The following FLRT3 variants were observed in gnomAD, a reference collection of about 807,000 sequenced individuals.
FLRT3 encodes leucine-rich repeat transmembrane protein FLRT3.
In FLRT3, 17 loss-of-function variants were observed where a neutral mutation model predicts 42.6. The observed-to-expected ratio is 0.40, with a 90% CI of 0.27 to 0.60. The LOEUF is 0.60. FLRT3 is among the 20% of genes least tolerant of loss of function. FLRT3 has a pLI of 0.44. For synonymous variants in FLRT3, 279 were observed against 286.4 expected (o/e 0.97, Z 0.26); for missense variants, 635 against 789.2 (o/e 0.80, Z 2.34).
At chr20:14,330,764 A>G (rs902587982) in intron 1 of FLRT3, among the ~76,000 whole-genome samples, 6 of 152,230 alleles carry the variant, frequency 3.9e-5, no homozygotes, top group African/African-American at 1.4e-4. Flanking sequence ...TTTTACTGTG[A>G]TGCCTTTAGG....
intron 1 of FLRT3, among the ~76,000 whole-genome samples, chr20:14,336,824 C>G (rs1400586700): frequency 1.3e-5 from 2 of 152,172 alleles, no homozygotes; most frequent in African/African-American, 4.8e-5. Context: ...GATTTGCAAG[C>G]CTGAAATGCT....
chr20:14,325,836 C>T lies in FLRT3; in HGVS notation c.1671G>A (p.Ser557=), dbSNP rs375047016. 9 of 1,613,768 alleles carry T rather than the reference C, an allele frequency of 5.6e-6. No individual in the cohort carries two copies. Among genetic ancestry groups the T allele is most frequent in the African/African-American group, 2.7e-5 (2 of 74,872 alleles). ...TATATGCACAGTTCCTTGAGAAGAG[C>T]GATCCATTCCTATGAACATACCAAC... ...LVCWYVHRNG[S]LFSRNCAYSK... The change falls in exon 3 of 3, where the codon TCG becomes TCA. Residue 557 remains serine, a synonymous_variant. Transcript: ENST00000341420.
rs76423053 is a variant in FLRT3 at position 14,333,945 on chromosome 20, A to G, written c.-247+3459T>C. Among the ~76,000 whole-genome samples the G allele has an allele frequency of 8.1e-3, 1,230 of 152,310 alleles. 10 individuals are homozygous for G. Among genetic ancestry groups the G allele is most frequent in the South Asian group, 0.032 (152 of 4,822 alleles). ...AAAGTTGCCTCGGTAACTTGTGCAC[A>G]TGTAAAGTGAAAGAATAAAGAACAA... On this transcript the variant is annotated intron_variant, in intron 1 of 2. Coordinates refer to ENST00000341420, the MANE Select transcript of FLRT3 (RefSeq NM_198391.3).
At position 14,327,935 on chromosome 20, in the gene FLRT3, A is replaced by C. The variant is rs117497973; in HGVS notation, c.-52-377T>G. On this transcript the variant is annotated intron_variant, in intron 2 of 2. Coordinates refer to ENST00000341420, the MANE Select transcript of FLRT3 (RefSeq NM_198391.3). Reference sequence around the variant, plus strand: ...TTCTTACTTAATATTCATAATAAGTAACACCTTGGAATATTATTTCTTATA... The same window carrying C: ...TTCTTACTTAATATTCATAATAAGTCACACCTTGGAATATTATTTCTTATA... 9.9e-4 allele frequency among the ~76,000 whole-genome samples: 151 copies of C among 152,256 alleles called. 3 individuals are homozygous for C. The East Asian group carries it at 0.027, about 27-fold the overall frequency.
In FLRT3 at chr20:14,327,013, T is replaced by C. The variant is rs913276455; in HGVS notation, c.494A>G (p.His165Arg). Residue 165 changes from histidine (H) to arginine (R), a missense_variant, in exon 3 of 3, where the codon CAC (histidine) becomes CGC (arginine). Physicochemically the swap from His to Arg is conservative, Grantham distance 29. Coordinates refer to ENST00000341420, the MANE Select transcript of FLRT3 (RefSeq NM_198391.3). ...CAAACCCCAGGGAATTGTGCTAAGG[T>C]GATTACGGGACAGGAAAAGCAGTCG... Reference protein sequence around the residue: ...YLRLLFLSRNHLSTIPWGLPR... With the variant: ...YLRLLFLSRNRLSTIPWGLPR... 1 of 1,613,700 alleles carries C rather than the reference T, an allele frequency of 6.2e-7. No individual in the cohort carries two copies. Among genetic ancestry groups the C allele is most frequent in the Non-Finnish European group, 8.5e-7 (1 of 1,179,754 alleles).
In FLRT3 at chr20:14,326,219, C is replaced by G. The variant is rs2082731899; in HGVS notation, c.1288G>C (p.Ala430Pro). Residue 430 changes from alanine to proline, a missense_variant, in exon 3 of 3, where the codon GCT (alanine) becomes CCT (proline). Transcript: ENST00000341420. This position sits in a 1 kb window ranked among gnomAD's most constrained non-coding sequence, Gnocchi z 5.5. Reference protein sequence around the residue: ...SDTIHISWKLALPMTALRLSW... With the variant: ...SDTIHISWKLPLPMTALRLSW... The stretch of plus-strand genomic sequence containing the variant: ...AGTCTCAAAGCAGTCATAGGTAGAG[C>G]AAGTTTCCAAGAGATATGAATGGTA... 6 of 1,613,904 alleles carry G rather than the reference C, an allele frequency of 3.7e-6. No individual in the cohort carries two copies. Among genetic ancestry groups the G allele is most frequent in the East Asian group, 2.2e-5 (1 of 44,868 alleles).
At position 14,325,200 on chromosome 20, in the gene FLRT3, T is replaced by G. The variant is rs2082714494; in HGVS notation, c.*357A>C. On this transcript the variant is annotated 3_prime_UTR_variant, in exon 3 of 3. Coordinates refer to ENST00000341420, the MANE Select transcript of FLRT3 (RefSeq NM_198391.3). ...GGATCTCATATGAATGCAGTCCTGA[T>G]TGTTCGACACAGCAAGAAAATTCAC... 5.9e-6 allele frequency: 1 copy of G among 168,818 alleles called. No homozygotes were observed. Among genetic ancestry groups the G allele is most frequent in the Admixed American group, 6.1e-5 (1 of 16,372 alleles). 10.5% of individuals were successfully genotyped at this position (168,818 alleles called of 1,614,324 possible).
chr20:14,326,609 G>C lies in FLRT3; in HGVS notation c.898C>G (p.Leu300Val). ...IFDDLDNITQ[L>V]ILRNNPWYCG... ...TACCAGGGATTGTTGCGAAGAATCA[G>C]TTGTGTTATATTGTCCAAATCATCA... The change falls in exon 3 of 3, where the codon CTG becomes GTG. Residue 300 changes from leucine to valine, a missense_variant. Leu to Val is a conservative substitution (Grantham distance 32). Transcript: ENST00000341420. The surrounding 1 kb of genome is among the most constrained non-coding windows in gnomAD (Gnocchi z 5.5). The C allele has an allele frequency of 1.2e-6, 2 of 1,613,856 alleles. No homozygotes were observed. The highest frequency in any genetic ancestry group is 2.2e-5 in the East Asian group (1 of 44,860).
chr20:14,329,704 A>G (rs2082798987), intron 1 of FLRT3, among the ~76,000 whole-genome samples: 1 of 152,092 alleles, frequency 6.6e-6, no homozygotes, highest in Admixed American at 6.6e-5. Context: ...ATTAACAAAT[A>G]TTTTTGACAG....
Position 14,326,109 on chromosome 20 carries a change from G to C in FLRT3, c.1398C>G (p.Val466=). 1 of 1,613,856 alleles carries C rather than the reference G, an allele frequency of 6.2e-7. No homozygotes were observed. The highest frequency in any genetic ancestry group is 8.5e-7 in the Non-Finnish European group (1 of 1,179,848). The change falls in exon 3 of 3, where the codon GTC becomes GTG. Residue 466 remains valine (V), a synonymous_variant. Transcript: ENST00000341420. The surrounding 1 kb of genome is among the most constrained non-coding windows in gnomAD (Gnocchi z 5.5). ...AGGGTGAATCAGGCTCCAGGGCTGT[G>C]ACCAAGTACTCACTGCGTTCCCCTG... The part of the protein sequence containing the change: ...IVTGERSEYL[V]TALEPDSPYK...
intron 1 of FLRT3, among the ~76,000 whole-genome samples, chr20:14,329,968 T>C (rs529530227): frequency 6.6e-6 from 1 of 152,086 alleles, no homozygotes; most frequent in Admixed American, 6.6e-5. Flanking sequence ...GCCCAAAAGG[T>C]GACATAGAAG....
rs1263247524 is a variant in FLRT3 at position 14,337,389 on chromosome 20, A to G, written c.-247+15T>C. The G allele has an allele frequency of 2.7e-6, 1 of 372,542 alleles. No homozygotes were observed. The highest frequency in any genetic ancestry group is 2.1e-5 in the African/African-American group (1 of 47,950). The allele number at this position is 372,542 out of a possible 1,614,324, so 23.1% of individuals were successfully genotyped here. On this transcript the variant is annotated intron_variant, in intron 1 of 2. Transcript: ENST00000341420. ...TTCTGGGACAATCATAAGAAAAAAC[A>G]TGGAAAACACTTACCAGGAAGACGA...
chr20:14,330,861 C>T (rs2301024), intron 1 of FLRT3, among the ~76,000 whole-genome samples: 134,864 of 152,094 alleles, frequency 0.89, 59,998 homozygotes, highest in Non-Finnish European at 0.92. Context: ...AACCAAGCTG[C>T]TGAAATTATA....
rs746662796 is a variant in FLRT3 at position 14,326,410 on chromosome 20, A to T, written c.1097T>A (p.Ile366Lys). 3.1e-6 allele frequency: 5 copies of T among 1,613,898 alleles called. No homozygotes were observed. The East Asian group carries it at 1.1e-4, about 36-fold the overall frequency. ...CACTGTGTTGGGTATTGCAGTGGTTATCTGAATGGTGCTTACAATCCCACT... is the reference window on the plus strand; with the variant it reads ...CACTGTGTTGGGTATTGCAGTGGTTTTCTGAATGGTGCTTACAATCCCACT... The part of the protein sequence containing the change: ...KDSGIVSTIQ[I>K]TTAIPNTVYP... Residue 366 changes from isoleucine (I) to lysine (K), a missense_variant, in exon 3 of 3, where the codon ATA (isoleucine) becomes AAA (lysine). Ile to Lys is a moderately radical substitution (Grantham distance 102, BLOSUM62 -3). Transcript: ENST00000341420. The surrounding 1 kb of genome is among the most constrained non-coding windows in gnomAD (Gnocchi z 5.5).
At chr20:14,337,040 G>A (rs759340775) in intron 1 of FLRT3, among the ~76,000 whole-genome samples, 7 of 152,154 alleles carry the variant, frequency 4.6e-5, no homozygotes, top group Non-Finnish European at 7.3e-5. Context: ...CATCCCACAC[G>A]TACAGTACAC....
intron 1 of FLRT3, among the ~76,000 whole-genome samples, chr20:14,331,606 T>C (rs1359209859): frequency 6.6e-6 from 1 of 152,146 alleles, no homozygotes; most frequent in Non-Finnish European, 1.5e-5. Flanking sequence ...GCTACTCTCA[T>C]ATGCCCCTGC....
At chr20:14,335,824 A>G (rs2082925776) in intron 1 of FLRT3, among the ~76,000 whole-genome samples, 1 of 152,010 alleles carries the variant, frequency 6.6e-6, no homozygotes, top group African/African-American at 2.4e-5. Context: ...CGTTTTTGTA[A>G]CTCTGTTTTT....
At chr20:14,333,541 T>C (rs1054659549) in intron 1 of FLRT3, among the ~76,000 whole-genome samples, 4 of 152,140 alleles carry the variant, frequency 2.6e-5, no homozygotes, top group Non-Finnish European at 5.9e-5. Context: ...GGGGCATGCT[T>C]TAAATTTGTG....
At chr20:14,329,418 A>T (rs571637031) in intron 1 of FLRT3, 91 bp from the exon 2 acceptor site, 22 of 152,238 alleles carry the variant, frequency 1.4e-4, no homozygotes, top group Admixed American at 8.5e-4. Flanking sequence ...ATGTCTTAAA[A>T]TAACACATCT....
Sources: gnomAD v4.1 joint callset for allele counts (sites outside exome capture counted in the v4.1 genomes callset) on GRCh38, gnomAD v4.1.1 for gene constraint, Gnocchi (gnomAD v3.1) non-coding constraint, MANE v1.5 for transcripts, NCBI Gene and HGNC (gene_info 2026-07-23, HGNC 2026-07-21) for gene names.